The following TAF3 variants were observed in gnomAD, a reference collection of about 807,000 sequenced individuals.
The protein encoded by TAF3 is TATA-box binding protein associated factor 3, also known as transcription initiation factor TFIID subunit 3.
TAF3 carries 7 observed loss-of-function variants against 80.6 expected under a neutral mutation model. That is an observed-to-expected ratio of 0.09 (90% CI 0.05 to 0.16). The LOEUF (loss-of-function observed/expected upper bound fraction) is 0.16, where lower values mean the gene tolerates loss of function less well. TAF3 is among the 10% of genes least tolerant of loss of function. The pLI, the probability that TAF3 is intolerant of heterozygous loss-of-function variation, is 1.00. For synonymous variants in TAF3, 444 were observed against 446.1 expected (o/e 1.00, Z 0.06); for missense variants, 921 against 1,140.2 (o/e 0.81, Z 2.77).
At chr10:7,937,970 A>G (rs559050049) in intron 2 of TAF3, among the ~76,000 whole-genome samples, 1 of 152,286 alleles carries the variant, frequency 6.6e-6, no homozygotes, top group South Asian at 2.1e-4. Context: ...TGGGGTTTAT[A>G]TTGAGGGCCG....
At position 7,904,720 on chromosome 10, in the gene TAF3, G is replaced by A. The variant is rs575690089; in HGVS notation, c.410-59200G>A. Reference sequence around the variant, plus strand: ...GCTGGAACTGTGTAGTGTGCACAGCGTTGGCTTTCATGATATTTAGTAGAA... The same window carrying A: ...GCTGGAACTGTGTAGTGTGCACAGCATTGGCTTTCATGATATTTAGTAGAA... On this transcript the variant is annotated intron_variant, in intron 2 of 6. Transcript: ENST00000344293. Among the ~76,000 whole-genome samples, 6 of 152,280 alleles carry A rather than the reference G, an allele frequency of 3.9e-5. No homozygotes were observed. In the South Asian group the frequency reaches 8.3e-4, roughly 21 times the overall value.
At chr10:7,902,616 C>G (rs1383805856) in intron 2 of TAF3, among the ~76,000 whole-genome samples, 1 of 152,026 alleles carries the variant, frequency 6.6e-6, no homozygotes, top group Non-Finnish European at 1.5e-5. Flanking sequence ...TCTCTGGGTG[C>G]TGGGGGATGA....
chr10:7,903,096 C>G (rs1313302528), intron 2 of TAF3, among the ~76,000 whole-genome samples: 1 of 152,092 alleles, frequency 6.6e-6, no homozygotes, highest in Admixed American at 6.6e-5. Context: ...GTGACACACC[C>G]GTGCTCCCAG....
intron 2 of TAF3, among the ~76,000 whole-genome samples, chr10:7,876,625 T>A (rs572968304): frequency 6.6e-6 from 1 of 152,004 alleles, no homozygotes; most frequent in South Asian, 2.1e-4. Flanking sequence ...ATCACGGGGG[T>A]CAGTGGTTAT....
chr10:7,939,794 G>A (rs1837960375), intron 2 of TAF3, among the ~76,000 whole-genome samples: 3 of 152,006 alleles, frequency 2.0e-5, no homozygotes, highest in Admixed American at 6.6e-5. Flanking sequence ...AGAGAGGAAC[G>A]ATAGGAGAGA....
At chr10:7,882,247 T>C (rs929433051) in intron 2 of TAF3, among the ~76,000 whole-genome samples, 5 of 152,250 alleles carry the variant, frequency 3.3e-5, no homozygotes, top group African/African-American at 1.2e-4. Context: ...AATCTTAGCA[T>C]GTTAGATTTG....
intron 2 of TAF3, among the ~76,000 whole-genome samples, chr10:7,850,888 A>G (rs1837020737): frequency 3.3e-5 from 5 of 152,050 alleles, no homozygotes. Context: ...TGTGTATGTT[A>G]TGGTACTTAT....
At chr10:7,947,954 C>T (rs947543424) in intron 2 of TAF3, among the ~76,000 whole-genome samples, 6 of 152,118 alleles carry the variant, frequency 3.9e-5, no homozygotes, top group South Asian at 4.1e-4. Flanking sequence ...CAGGAAATGA[C>T]GTTCACAATT....
rs1461912973 is a variant in TAF3, at chr10:8,009,259, C to T, written c.2497C>T (p.Pro833Ser). ...AGPALLPSPG[P>S]AASGASAKAP... is the part of the protein sequence containing the mutation. ...CCCTGCCCTGCTGCCCTCCCCGGGTCCCGCCGCCTCCGGGGCCAGTGCCAA... is the reference window on the plus strand; with the variant it reads ...CCCTGCCCTGCTGCCCTCCCCGGGTTCCGCCGCCTCCGGGGCCAGTGCCAA... The change falls in exon 5 of 7, where the codon CCC (proline) becomes TCC (serine). Residue 833 changes from proline (P) to serine (S), a missense_variant. This residue lies in a region of TAF3 where 743 missense variants were observed against 821.0 expected (regional missense o/e 0.90). Coordinates refer to ENST00000344293, the MANE Select transcript of TAF3 (RefSeq NM_031923.4). The surrounding 1 kb of genome is among the most constrained non-coding windows in gnomAD (Gnocchi z 4.1). 13 of 1,548,950 alleles carry T rather than the reference C, an allele frequency of 8.4e-6. No homozygotes were observed. Among genetic ancestry groups the T allele is most frequent in the African/African-American group, 1.4e-5 (1 of 70,604 alleles).
At chr10:8,011,490 G>A (rs1011670848) in intron 5 of TAF3, among the ~76,000 whole-genome samples, 12 of 152,074 alleles carry the variant, frequency 7.9e-5, no homozygotes, top group Non-Finnish European at 1.3e-4. Flanking sequence ...TGCCCAGGCT[G>A]GTCTCAAACT....
At chr10:7,931,842 C>G (rs895212939) in intron 2 of TAF3, among the ~76,000 whole-genome samples, 6 of 152,140 alleles carry the variant, frequency 3.9e-5, no homozygotes, top group African/African-American at 9.7e-5. Flanking sequence ...CCTACCTGCT[C>G]AAAGTATTGT....
chr10:7,879,050 T>C (rs992905622), intron 2 of TAF3, among the ~76,000 whole-genome samples: 3 of 152,190 alleles, frequency 2.0e-5, no homozygotes, highest in African/African-American at 7.2e-5. Flanking sequence ...TTAGTGTTAC[T>C]ACACATTTAG....
chr10:7,962,686 A>G (rs1050655011), intron 2 of TAF3, among the ~76,000 whole-genome samples: 3 of 152,144 alleles, frequency 2.0e-5, no homozygotes, highest in African/African-American at 7.2e-5. Context: ...AACGCTGCAT[A>G]ATTAATCAAG....
intron 2 of TAF3, among the ~76,000 whole-genome samples, chr10:7,855,150 A>G (rs1437030524): frequency 1.3e-5 from 2 of 152,346 alleles, no homozygotes; most frequent in South Asian, 2.1e-4. Context: ...CTGAATCCCA[A>G]GCCAGCAATG....
intron 2 of TAF3, among the ~76,000 whole-genome samples, chr10:7,870,380 A>G (rs1837253069): frequency 1.3e-5 from 2 of 152,170 alleles, no homozygotes; most frequent in South Asian, 4.1e-4. Context: ...ATTTTTACTT[A>G]TAGTTAATTC....
intron 2 of TAF3, among the ~76,000 whole-genome samples, chr10:7,865,647 G>A (rs537536302): frequency 7.2e-5 from 11 of 152,200 alleles, no homozygotes; most frequent in Non-Finnish European, 1.2e-4. Flanking sequence ...ATGCAGCCAC[G>A]TGCAAAGTAG....
rs553115041 is a variant in TAF3, at chr10:7,847,638, T to A, written c.409+23078T>A. Among the ~76,000 whole-genome samples the A allele has an allele frequency of 1.3e-3, 199 of 152,210 alleles. 1 individual carries two copies. In the Middle Eastern group the frequency reaches 0.014, roughly 10 times the overall value. On this transcript the variant is annotated intron_variant, in intron 2 of 6. Coordinates refer to ENST00000344293, the MANE Select transcript of TAF3 (RefSeq NM_031923.4). ...TTTTTTTATTTCTGTAGAGACAGAGTCTTGCTGTGTTGCCCTGGTTGGTCT... is the reference window on the plus strand; with the variant it reads ...TTTTTTTATTTCTGTAGAGACAGAGACTTGCTGTGTTGCCCTGGTTGGTCT...
intron 2 of TAF3, among the ~76,000 whole-genome samples, chr10:7,904,743 G>GA (rs1433337680): frequency 1.3e-5 from 2 of 152,104 alleles, no homozygotes; most frequent in Non-Finnish European, 2.9e-5. Flanking sequence ...ATATTTAGTA[G>GA]AAATTTGGAA....
At chr10:7,940,192 C>A (rs937656108) in intron 2 of TAF3, among the ~76,000 whole-genome samples, 2 of 152,148 alleles carry the variant, frequency 1.3e-5, no homozygotes, top group Non-Finnish European at 2.9e-5. Flanking sequence ...ACCTTAAATT[C>A]TATTTTCAAC....
Sources: allele counts gnomAD v4.1 joint callset (sites outside exome capture counted in the v4.1 genomes callset), GRCh38; gene constraint gnomAD v4.1.1; regional missense constraint gnomAD v4.1.1; non-coding constraint Gnocchi (gnomAD v3.1); transcripts MANE v1.5; gene names NCBI Gene and HGNC (gene_info 2026-07-23, HGNC 2026-07-21).